The following FLRT1 variants were observed in gnomAD, a reference collection of about 807,000 sequenced individuals.
The protein encoded by FLRT1 is leucine-rich repeat transmembrane protein FLRT1.
A neutral mutation model predicts 30.9 loss-of-function variants in FLRT1; 14 were observed. The observed-to-expected ratio is 0.45, with a 90% CI of 0.30 to 0.71. The LOEUF is 0.71. Ranked by LOEUF, FLRT1 falls within the 30% of genes least tolerant of loss-of-function variation. The pLI is 0.08. For synonymous variants in FLRT1, 368 were observed against 430.4 expected (o/e 0.85, Z 1.80); for missense variants, 737 against 949.2 (o/e 0.78, Z 2.94).
chr11:64,083,400 C>G (rs967229627), intron 1 of FLRT1, among the ~76,000 whole-genome samples: 2 of 152,218 alleles, frequency 1.3e-5, no homozygotes, highest in African/African-American at 4.8e-5. Flanking sequence ...TGCACCACTG[C>G]ACTCCAGCCT....
rs11231689 is a variant in FLRT1, at chr11:64,072,547, T to A, written c.-1037-30647T>A. Reference sequence around the variant, plus strand: ...GAACCCGCCACAGAAACTAATAACATAGCAGCTGCGCTGCATCCTGACGTG... The same window carrying A: ...GAACCCGCCACAGAAACTAATAACAAAGCAGCTGCGCTGCATCCTGACGTG... On this transcript the variant is annotated intron_variant, in intron 1 of 2. Transcript: ENST00000682287. 1.5e-3 allele frequency among the ~76,000 whole-genome samples: 228 copies of A among 152,302 alleles called. 6 individuals carry two copies. The East Asian group carries it at 0.038, about 26-fold the overall frequency.
intron 1 of FLRT1, among the ~76,000 whole-genome samples, chr11:64,086,698 G>A (rs568763030): frequency 7.9e-5 from 12 of 152,302 alleles, no homozygotes; most frequent in African/African-American, 2.4e-4. Flanking sequence ...AGACAGAGAG[G>A]GGGAGAAGGG....
intron 1 of FLRT1, among the ~76,000 whole-genome samples, chr11:64,053,146 C>T (rs1040327148): frequency 3.9e-5 from 6 of 152,150 alleles, no homozygotes; most frequent in African/African-American, 7.2e-5. Flanking sequence ...CAGGCTCATG[C>T]GGGCCCCAGA....
In FLRT1 at chr11:64,118,992, C is replaced by T. The variant is rs765650328; in HGVS notation, c.*700C>T. 10 of 167,074 alleles carry T rather than the reference C, an allele frequency of 6.0e-5. No individual in the cohort carries two copies. The highest frequency in any genetic ancestry group is 2.1e-4 in the South Asian group (1 of 4,822). The allele number at this position is 167,074 out of a possible 1,614,324, so 10.3% of individuals were successfully genotyped here. ...CTCTTCAGTTCCATGCACCACGCTC[C>T]GTAGAAGCCCCGGCGGAAGCCGTAG... is the stretch of plus-strand genomic sequence containing the variant. On this transcript the variant is annotated 3_prime_UTR_variant, in exon 3 of 3. Transcript: ENST00000682287.
intron 1 of FLRT1, among the ~76,000 whole-genome samples, chr11:64,037,646 G>GGT (rs140636012): frequency 2.4e-4 from 37 of 151,864 alleles, no homozygotes; most frequent in African/African-American, 7.2e-4. Flanking sequence ...ATGGGCACAG[G>GGT]GTGTGTGTGT....
intron 1 of FLRT1, among the ~76,000 whole-genome samples, chr11:64,102,860 G>A (rs1944694066): frequency 1.3e-5 from 2 of 152,174 alleles, no homozygotes; most frequent in South Asian, 4.1e-4. Context: ...ATGAAGTCAG[G>A]AGATGGAGAC....
chr11:64,063,745 G>T (rs143266298), intron 1 of FLRT1, among the ~76,000 whole-genome samples: 1 of 152,178 alleles, frequency 6.6e-6, no homozygotes, highest in African/African-American at 2.4e-5. Context: ...GGGCAGCCAC[G>T]CGGTCCTCGC....
chr11:64,104,416 C>T (rs996084828), intron 2 of FLRT1, among the ~76,000 whole-genome samples: 11 of 152,168 alleles, frequency 7.2e-5, no homozygotes, highest in African/African-American at 2.2e-4. Flanking sequence ...TGGTGGTCCC[C>T]GTGCTGCTGG....
chr11:64,072,139 G>T (rs547416395), intron 1 of FLRT1, among the ~76,000 whole-genome samples: 1 of 152,356 alleles, frequency 6.6e-6, no homozygotes, highest in Admixed American at 6.5e-5. Flanking sequence ...GCAGCCAGGG[G>T]TGGGAGTGAG....
At chr11:64,089,941 C>T (rs747122205) in intron 1 of FLRT1, among the ~76,000 whole-genome samples, 16 of 152,178 alleles carry the variant, frequency 1.1e-4, no homozygotes, top group African/African-American at 2.9e-4. Flanking sequence ...TTGCCCCCCA[C>T]GCCCTGTAAA....
rs114069607 is a variant in FLRT1 at position 64,085,124 on chromosome 11, A to G, written c.-1037-18070A>G. Reference sequence around the variant, plus strand: ...TTTCAAGCCCATGCAGTGGGGCACCAGGGAGGATTGGGGGTTCTGGGCAGA... The same window carrying G: ...TTTCAAGCCCATGCAGTGGGGCACCGGGGAGGATTGGGGGTTCTGGGCAGA... On this transcript the variant is annotated intron_variant, in intron 1 of 2. Coordinates refer to ENST00000682287, the MANE Select transcript of FLRT1 (RefSeq NM_013280.5). Among the ~76,000 whole-genome samples, 552 of 152,310 alleles carry G rather than the reference A, an allele frequency of 3.6e-3. 1 individual carries two copies. Among genetic ancestry groups the G allele is most frequent in the African/African-American group, 0.013 (532 of 41,566 alleles).
At chr11:64,099,293 T>C (rs573089376) in intron 1 of FLRT1, among the ~76,000 whole-genome samples, 4 of 152,404 alleles carry the variant, frequency 2.6e-5, no homozygotes, top group Non-Finnish European at 5.9e-5. Context: ...TCTCACATTG[T>C]AGCCCTCTGA....
rs547634270 is a variant in FLRT1 at position 64,096,126 on chromosome 11, G to C, written c.-1037-7068G>C. Among the ~76,000 whole-genome samples the C allele has an allele frequency of 1.6e-3, 239 of 152,376 alleles. 1 individual carries two copies. Among genetic ancestry groups the C allele is most frequent in the African/African-American group, 5.4e-3 (226 of 41,596 alleles). Reference sequence around the variant, plus strand: ...CCAGGAGACGCTGTGAGAGTGCCCAGACCCTGGAGGCCAGGAGGGGACCAG... The same window carrying C: ...CCAGGAGACGCTGTGAGAGTGCCCACACCCTGGAGGCCAGGAGGGGACCAG... On this transcript the variant is annotated intron_variant, in intron 1 of 2. Transcript: ENST00000682287. The surrounding 1 kb of genome is among the most constrained non-coding windows in gnomAD (Gnocchi z 4.6).
Position 64,086,617 on chromosome 11 carries a change from G to A in FLRT1, c.-1037-16577G>A, listed in dbSNP as rs183338633. On this transcript the variant is annotated intron_variant, in intron 1 of 2. Transcript: ENST00000682287. ...GTTCTGCGACTGGGGTGCTTTTTCC[G>A]GCCCCTGCAGCCCCACTTCTGTCTG... Among the ~76,000 whole-genome samples, 609 of 152,194 alleles carry A rather than the reference G, an allele frequency of 4.0e-3. 4 individuals carry two copies. Among genetic ancestry groups the A allele is most frequent in the Non-Finnish European group, 7.1e-3 (483 of 68,006 alleles).
intron 2 of FLRT1, among the ~76,000 whole-genome samples, chr11:64,105,732 C>T (rs1011550296): frequency 2.0e-5 from 3 of 152,148 alleles, no homozygotes; most frequent in Admixed American, 6.5e-5. Context: ...AGACACTGTT[C>T]CCCAGCATCC....
chr11:64,063,631 G>T (rs972656688), intron 1 of FLRT1, among the ~76,000 whole-genome samples: 73 of 152,212 alleles, frequency 4.8e-4, no homozygotes, highest in African/African-American at 1.7e-3. Context: ...CACCTCTGGA[G>T]GAGTGGGGTT....
At chr11:64,053,834 G>A (rs1316401259) in intron 1 of FLRT1, among the ~76,000 whole-genome samples, 1 of 152,160 alleles carries the variant, frequency 6.6e-6, no homozygotes, top group African/African-American at 2.4e-5. Flanking sequence ...GGGGAGGGGA[G>A]TGCTCAAGGT....
chr11:64,086,857 G>A (rs1042554617), intron 1 of FLRT1: 2 of 152,254 alleles, frequency 1.3e-5, no homozygotes, highest in African/African-American at 4.8e-5. Context: ...GGCGGCTGGG[G>A]ATGGAGCTGG....
intron 1 of FLRT1, among the ~76,000 whole-genome samples, chr11:64,070,747 A>G (rs955887511): frequency 1.3e-5 from 2 of 152,262 alleles, no homozygotes; most frequent in African/African-American, 4.8e-5. Flanking sequence ...TCCCGCTGCA[A>G]TAAAAATGGA....
Sources: gnomAD v4.1 joint callset for allele counts (sites outside exome capture counted in the v4.1 genomes callset) on GRCh38, gnomAD v4.1.1 for gene constraint, Gnocchi (gnomAD v3.1) non-coding constraint, MANE v1.5 for transcripts, NCBI Gene and HGNC (gene_info 2026-07-23, HGNC 2026-07-21) for gene names.